The following C12orf56 variants were observed in gnomAD, a reference collection of about 807,000 sequenced individuals.
C12orf56 encodes chromosome 12 open reading frame 56, also known as uncharacterized protein C12orf56.
In C12orf56, 71 loss-of-function variants were observed where a neutral mutation model predicts 69.9. The observed-to-expected ratio is 1.02, with a 90% CI of 0.84 to 1.24. C12orf56 has a LOEUF of 1.24. C12orf56 is among the 50% of genes most tolerant of loss of function. C12orf56 has a pLI of 0.00. For missense variants in C12orf56, 732 were observed against 738.5 expected, an observed-to-expected ratio of 0.99 and a Z score of 0.10; for synonymous variants, 276 against 274.1, an observed-to-expected ratio of 1.01 and a Z score of -0.07.
At chr12:64,326,388 A>G (rs958910577) in intron 3 of C12orf56, among the ~76,000 whole-genome samples, 3 of 152,208 alleles carry the variant, frequency 2.0e-5, no homozygotes, top group Admixed American at 1.3e-4. Context: ...TGCCTGCTAA[A>G]ATGGAAATCC....
At chr12:64,357,621 G>T (rs569928273) in intron 1 of C12orf56, among the ~76,000 whole-genome samples, 1 of 152,086 alleles carries the variant, frequency 6.6e-6, no homozygotes, top group East Asian at 1.9e-4. Flanking sequence ...CTCGGGCCAG[G>T]TGAGGTGGCT....
At chr12:64,295,504 A>G (rs2038353373) in intron 6 of C12orf56, among the ~76,000 whole-genome samples, 1 of 152,154 alleles carries the variant, frequency 6.6e-6, no homozygotes, top group African/African-American at 2.4e-5. Context: ...AACAAAAATT[A>G]GCCCAGCATG....
chr12:64,287,098 T>G (rs899361018), intron 6 of C12orf56, among the ~76,000 whole-genome samples: 4 of 151,708 alleles, frequency 2.6e-5, no homozygotes, highest in Admixed American at 2.6e-4. Flanking sequence ...TTAGCTGGGT[T>G]TGGTAGCATG....
intron 4 of C12orf56, among the ~76,000 whole-genome samples, chr12:64,317,231 T>G (rs749018449): frequency 1.3e-4 from 20 of 152,156 alleles, no homozygotes; most frequent in Middle Eastern, 3.2e-3. Context: ...TTCATAATTT[T>G]TAGCCGTTTA....
At chr12:64,322,542 G>T (rs2038786432) in intron 3 of C12orf56, among the ~76,000 whole-genome samples, 1 of 152,098 alleles carries the variant, frequency 6.6e-6, no homozygotes, top group South Asian at 2.1e-4. Flanking sequence ...GTTGAGCCAG[G>T]CATGGTGGCT....
chr12:64,366,936 A>G (rs2039495246), intron 1 of C12orf56, among the ~76,000 whole-genome samples: 1 of 127,194 alleles, frequency 7.9e-6, no homozygotes, highest in South Asian at 2.4e-4. Context: ...TATATTATAT[A>G]TAACATACAC....
chr12:64,282,225 TG>T (rs1356152250), intron 8 of C12orf56, among the ~76,000 whole-genome samples: 1 of 151,844 alleles, frequency 6.6e-6, no homozygotes, highest in Non-Finnish European at 1.5e-5. Context: ...TAGCTTGGCA[TG>T]GTGTATTTTC....
intron 3 of C12orf56, among the ~76,000 whole-genome samples, chr12:64,325,052 T>A (rs1218972924): frequency 6.6e-6 from 1 of 152,118 alleles, no homozygotes; most frequent in Non-Finnish European, 1.5e-5. Context: ...GAGTAGAGCC[T>A]AGGAGTCTGT....
intron 1 of C12orf56, among the ~76,000 whole-genome samples, chr12:64,370,962 T>C (rs1482756161): frequency 6.6e-6 from 1 of 152,102 alleles, no homozygotes; most frequent in Admixed American, 6.6e-5. Context: ...ATTGCACCAC[T>C]ACACTCCACA....
At chr12:64,281,056 C>T (rs770684485) in intron 8 of C12orf56, among the ~76,000 whole-genome samples, 5 of 151,530 alleles carry the variant, frequency 3.3e-5, no homozygotes, top group Non-Finnish European at 5.9e-5. Context: ...GGTGGATCAC[C>T]TGAGGACAGG....
At chr12:64,272,531 A>C (rs1293830560) in intron 11 of C12orf56, among the ~76,000 whole-genome samples, 1 of 139,276 alleles carries the variant, frequency 7.2e-6, no homozygotes, top group African/African-American at 2.6e-5. Context: ...AAATAAATAA[A>C]TACCATGCAG....
intron 5 of C12orf56, among the ~76,000 whole-genome samples, chr12:64,308,625 C>A (rs1196213964): frequency 1.3e-5 from 2 of 151,618 alleles, no homozygotes; most frequent in African/African-American, 4.8e-5. Context: ...GGCAGATCAC[C>A]TGAGGTCAGT....
intron 1 of C12orf56, among the ~76,000 whole-genome samples, chr12:64,368,585 T>C (rs2039528971): frequency 6.6e-6 from 1 of 152,172 alleles, no homozygotes; most frequent in Non-Finnish European, 1.5e-5. Flanking sequence ...ATTAAAGTGT[T>C]CTGAAGGAAA....
intron 5 of C12orf56, among the ~76,000 whole-genome samples, chr12:64,309,220 A>G (rs1288602464): frequency 6.6e-6 from 1 of 152,236 alleles, no homozygotes; most frequent in African/African-American, 2.4e-5. Flanking sequence ...AAGTATCACC[A>G]CTATCCATTT....
At chr12:64,345,440 A>G (rs1041581046) in intron 2 of C12orf56, among the ~76,000 whole-genome samples, 5 of 152,196 alleles carry the variant, frequency 3.3e-5, no homozygotes, top group African/African-American at 1.2e-4. Context: ...ATCAGAGTTT[A>G]CAAACTCAGT....
intron 1 of C12orf56, among the ~76,000 whole-genome samples, chr12:64,382,194 G>A (rs1220383188): frequency 6.0e-5 from 9 of 150,616 alleles, no homozygotes; most frequent in East Asian, 2.0e-4. Flanking sequence ...ACCAGGAGGC[G>A]GAGTTTATAG....
chr12:64,316,071 G>A (rs2038687869), intron 4 of C12orf56, among the ~76,000 whole-genome samples: 1 of 151,578 alleles, frequency 6.6e-6, no homozygotes, highest in Non-Finnish European at 1.5e-5. Flanking sequence ...GAACATTATT[G>A]TAATTTTTAA....
intron 5 of C12orf56, among the ~76,000 whole-genome samples, chr12:64,306,529 C>T (rs1032707591): frequency 5.3e-5 from 8 of 151,740 alleles, no homozygotes; most frequent in African/African-American, 1.2e-4. Flanking sequence ...CCACCACACC[C>T]GGTTAATTTT....
intron 1 of C12orf56, among the ~76,000 whole-genome samples, chr12:64,367,825 T>G (rs1218516497): frequency 1.3e-5 from 2 of 148,446 alleles, no homozygotes; most frequent in Non-Finnish European, 1.5e-5. Flanking sequence ...TTTTTTTTTT[T>G]GAAATGGAGT....
Sources: allele counts gnomAD v4.1 joint callset (sites outside exome capture counted in the v4.1 genomes callset), GRCh38; gene constraint gnomAD v4.1.1; transcripts MANE v1.5; gene names NCBI Gene and HGNC (gene_info 2026-07-23, HGNC 2026-07-21).